Variants in PHACTR4 observed in about 807,000 individuals in gnomAD.
The protein encoded by PHACTR4 is phosphatase and actin regulator 4.
A neutral mutation model predicts 72.7 loss-of-function variants in PHACTR4; 51 were observed. The ratio of observed to expected loss-of-function variants is 0.70; its 90% CI spans 0.56 to 0.89. The LOEUF is 0.89. Ranked by LOEUF, PHACTR4 falls within the 40% of genes least tolerant of loss-of-function variation. The pLI is 0.00. For synonymous variants in PHACTR4, 255 were observed against 302.5 expected, an observed-to-expected ratio of 0.84 and a Z score of 1.63; for missense variants, 731 against 861.8, an observed-to-expected ratio of 0.85 and a Z score of 1.90.
Position 28,407,470 on chromosome 1 carries a change from A to G in PHACTR4, c.16+7A>G. 1.2e-6 allele frequency: 2 copies of G among 1,603,836 alleles called. No homozygotes were observed. Among genetic ancestry groups the G allele is most frequent in the Non-Finnish European group, 1.7e-6 (2 of 1,171,794 alleles). ...GGCATGGAAGATCCATTTGGTGAGT[A>G]TCACCTACATTGTTCTTAGTAAATG... On this transcript the variant is annotated splice_region_variant and intron_variant, in intron 2 of 13. Coordinates refer to ENST00000373839, the MANE Select transcript of PHACTR4 (RefSeq NM_001048183.3).
At chr1:28,398,153 A>G (rs1214092622) in intron 1 of PHACTR4, among the ~76,000 whole-genome samples, 1 of 152,174 alleles carries the variant, frequency 6.6e-6, no homozygotes, top group Non-Finnish European at 1.5e-5. Context: ...AGAGGATAAT[A>G]TATTTTAGAA....
At chr1:28,468,909 A>G (rs1050413031) in intron 6 of PHACTR4, among the ~76,000 whole-genome samples, 1 of 152,216 alleles carries the variant, frequency 6.6e-6, no homozygotes, top group Non-Finnish European at 1.5e-5. Flanking sequence ...TTAAGGCAAC[A>G]TATAAAATGA....
chr1:28,491,674 G>C lies in PHACTR4; in HGVS notation c.1903G>C (p.Glu635Gln), dbSNP rs767826198. The change falls in exon 12 of 14, where the codon GAA (glutamate) becomes CAA (glutamine). Residue 635 changes from glutamate (E) to glutamine (Q), a missense_variant. Around this residue, in one of 2 missense-constraint regions of PHACTR4, gnomAD observed 110 missense variants for 185.2 expected, o/e 0.59. Coordinates refer to ENST00000373839, the MANE Select transcript of PHACTR4 (RefSeq NM_001048183.3). ...GCTCAGTCAAAGGCCAACTGTCGCT[G>C]AACTCCTTGCCAGGAAGATTCTGAG... Reference protein sequence around the residue: ...RKLSQRPTVAELLARKILRFN... With the variant: ...RKLSQRPTVAQLLARKILRFN... 1.2e-6 allele frequency: 2 copies of C among 1,614,004 alleles called. No homozygotes were observed. The highest frequency in any genetic ancestry group is 4.5e-5 in the East Asian group (2 of 44,886).
At chr1:28,475,887 A>C (rs144727739) in intron 7 of PHACTR4, among the ~76,000 whole-genome samples, 15,738 of 151,600 alleles carry the variant, frequency 0.1, 1,889 homozygotes, top group African/African-American at 0.3. Flanking sequence ...CCACCATGCC[A>C]GGCTAATTTT....
intron 9 of PHACTR4, among the ~76,000 whole-genome samples, chr1:28,486,409 GTGA>G (rs1401073500): frequency 6.6e-6 from 1 of 152,168 alleles, no homozygotes; most frequent in African/African-American, 2.4e-5. Context: ...TCTTGCAATT[GTGA>G]TGATGATTTC....
intron 2 of PHACTR4, among the ~76,000 whole-genome samples, chr1:28,421,361 C>G (rs1655496806): frequency 6.6e-6 from 1 of 151,638 alleles, no homozygotes; most frequent in Admixed American, 6.6e-5. Context: ...CTGATGGCCT[C>G]TAATCCTCGT....
chr1:28,489,062 T>C, intron 9 of PHACTR4, 108 bp from the exon 10 acceptor site: 1 of 693,064 alleles, frequency 1.4e-6, no homozygotes, highest in Non-Finnish European at 2.4e-6. Flanking sequence ...GAAAATTTGT[T>C]GATTTCTTAC....
chr1:28,482,516 G>A (rs897675109), intron 9 of PHACTR4, among the ~76,000 whole-genome samples: 1 of 152,188 alleles, frequency 6.6e-6, no homozygotes, highest in Non-Finnish European at 1.5e-5. Flanking sequence ...ATGGGTTTTT[G>A]TTTGACACAG....
At chr1:28,418,909 C>G (rs1655297295) in intron 2 of PHACTR4, among the ~76,000 whole-genome samples, 1 of 151,416 alleles carries the variant, frequency 6.6e-6, no homozygotes. Context: ...TGAGATTGTG[C>G]CACTGCACAC....
intron 2 of PHACTR4, among the ~76,000 whole-genome samples, chr1:28,412,504 G>A (rs1334133468): frequency 6.6e-6 from 1 of 152,048 alleles, no homozygotes; most frequent in Non-Finnish European, 1.5e-5. Context: ...GCTTTATCAA[G>A]GACATTCTTA....
chr1:28,491,303 T>C (rs75774238), intron 11 of PHACTR4, among the ~76,000 whole-genome samples: 2 of 150,476 alleles, frequency 1.3e-5, no homozygotes, highest in Admixed American at 6.6e-5. Flanking sequence ...CAAAAAAAAA[T>C]ATATATTAGC....
At chr1:28,404,369 G>A (rs1411567606) in intron 1 of PHACTR4, among the ~76,000 whole-genome samples, 2 of 136,896 alleles carry the variant, frequency 1.5e-5, no homozygotes, top group African/African-American at 5.5e-5. Context: ...TGCAACCTCC[G>A]CCTCCTGGGT....
intron 1 of PHACTR4, among the ~76,000 whole-genome samples, chr1:28,376,846 C>T (rs1293960354): frequency 6.7e-6 from 1 of 148,778 alleles, no homozygotes; most frequent in Non-Finnish European, 1.5e-5. Flanking sequence ...ACTATGTTAG[C>T]CAGGATGGTC....
At chr1:28,473,276 A>AAAAAC (rs1659693758) in intron 6 of PHACTR4, among the ~76,000 whole-genome samples, 2 of 69,042 alleles carry the variant, frequency 2.9e-5, no homozygotes, top group Admixed American at 1.3e-4. Flanking sequence ...ACCCTGTCTC[A>AAAAAC]AAAAAAAAAA....
chr1:28,433,548 C>G (rs1656426514), intron 2 of PHACTR4, among the ~76,000 whole-genome samples: 2 of 147,930 alleles, frequency 1.4e-5, no homozygotes, highest in Admixed American at 1.4e-4. Flanking sequence ...ACCTCTGCCT[C>G]CCAGGTTCAA....
intron 2 of PHACTR4, among the ~76,000 whole-genome samples, chr1:28,450,974 CTTT>C (rs1188704308): frequency 1.1e-4 from 8 of 72,056 alleles, no homozygotes; most frequent in African/African-American, 4.1e-4. Context: ...CCACACCCAG[CTTT>C]TTTTTTTTTT....
chr1:28,396,761 C>T (rs1653534239), intron 1 of PHACTR4, among the ~76,000 whole-genome samples: 1 of 150,296 alleles, frequency 6.7e-6, no homozygotes, highest in South Asian at 2.1e-4. Context: ...TGGGTTCAAG[C>T]GATTCTCCTG....
intron 1 of PHACTR4, among the ~76,000 whole-genome samples, chr1:28,398,120 G>A (rs1289994057): frequency 3.3e-5 from 5 of 152,118 alleles, no homozygotes; most frequent in South Asian, 2.1e-4. Context: ...TGATACATTC[G>A]AAGAGTTCTG....
intron 1 of PHACTR4, among the ~76,000 whole-genome samples, chr1:28,398,660 AAC>A (rs569032273): frequency 5.9e-4 from 89 of 152,022 alleles, no homozygotes; most frequent in African/African-American, 1.9e-3. Flanking sequence ...CTCTACCAAA[AAC>A]ACAAAAATTA....
Sources: gnomAD v4.1 joint callset for allele counts (sites outside exome capture counted in the v4.1 genomes callset) on GRCh38, gnomAD v4.1.1 for gene constraint, gnomAD v4.1.1 regional missense constraint, MANE v1.5 for transcripts, NCBI Gene and HGNC (gene_info 2026-07-23, HGNC 2026-07-21) for gene names.